The following GATAD2B variants were observed in gnomAD, a reference collection of about 807,000 sequenced individuals.
GATAD2B encodes the protein GATA zinc finger domain containing 2B, also known as transcriptional repressor p66-beta.
GATAD2B carries 8 observed loss-of-function variants against 64.3 expected under a neutral mutation model. That is an observed-to-expected ratio of 0.12 (90% confidence interval 0.07 to 0.22). GATAD2B has a LOEUF of 0.22. GATAD2B is among the 10% of genes least tolerant of loss of function. GATAD2B has a pLI of 1.00. For synonymous variants in GATAD2B, 281 were observed against 271.3 expected (o/e 1.04, Z -0.35); for missense variants, 453 against 752.0 (o/e 0.60, Z 4.65).
At chr1:153,837,478 A>T (rs1675314938) in intron 1 of GATAD2B, among the ~76,000 whole-genome samples, 2 of 152,110 alleles carry the variant, frequency 1.3e-5, no homozygotes, top group Admixed American at 6.6e-5. Flanking sequence ...ATGAAGAAAA[A>T]GTTCTGCAAG....
chr1:153,827,388 C>A (rs891914386), intron 2 of GATAD2B, among the ~76,000 whole-genome samples: 9 of 151,958 alleles, frequency 5.9e-5, no homozygotes, highest in African/African-American at 2.2e-4. Context: ...TTACTGTGTG[C>A]TCTACAGTTT....
intron 1 of GATAD2B, chr1:153,890,584 G>A (rs1677352381): frequency 6.6e-6 from 1 of 151,850 alleles, no homozygotes; most frequent in South Asian, 2.1e-4. Flanking sequence ...CTGAACCTAA[G>A]ACAGAAAGCT....
chr1:153,896,433 CT>C lies in GATAD2B; in HGVS notation c.-2+26299del, dbSNP rs35275252. ...CTGTAAGAGTGAACAGTAAAATTTT[CT>C]TTTTTTTTTTTTTTTTTTGGAAATG... On this transcript the variant is annotated intron_variant, in intron 1 of 10. Transcript: ENST00000368655. Among the ~76,000 whole-genome samples the C allele has an allele frequency of 1.9e-3, 219 of 115,916 alleles. 2 individuals carry two copies. Among genetic ancestry groups the C allele is most frequent in the South Asian group, 2.4e-3 (9 of 3,702 alleles). The allele number at this position is 115,916 out of a possible 152,430, so 76.0% of individuals were successfully genotyped here. A position where few individuals can be genotyped will look rare whatever the true frequency, so the allele number is the denominator to read the frequency against.
At chr1:153,815,802 T>C (rs1674460851) in intron 7 of GATAD2B, among the ~76,000 whole-genome samples, 2 of 152,128 alleles carry the variant, frequency 1.3e-5, no homozygotes, top group African/African-American at 4.8e-5. Flanking sequence ...CCTGTAATCC[T>C]AGCACTTTAG....
intron 1 of GATAD2B, chr1:153,890,608 G>A (rs1677353135): frequency 6.6e-6 from 1 of 152,110 alleles, no homozygotes; most frequent in African/African-American, 2.4e-5. Flanking sequence ...GGCCGCAGAG[G>A]ATGAAAAAGC....
intron 1 of GATAD2B, among the ~76,000 whole-genome samples, chr1:153,832,225 AAAGTT>A (rs1275482186): frequency 2.0e-5 from 3 of 151,596 alleles, no homozygotes; most frequent in African/African-American, 7.2e-5. Context: ...CAAAAAAAAA[AAAGTT>A]AGCCAAGTTG....
intron 1 of GATAD2B, among the ~76,000 whole-genome samples, chr1:153,913,046 A>G (rs1678153585): frequency 6.6e-6 from 1 of 152,046 alleles, no homozygotes; most frequent in Non-Finnish European, 1.5e-5. Context: ...CAAGATCACG[A>G]TACTGCACTC....
chr1:153,859,462 G>C (rs1676200900), intron 1 of GATAD2B, among the ~76,000 whole-genome samples: 1 of 151,746 alleles, frequency 6.6e-6, no homozygotes, highest in South Asian at 2.1e-4. Context: ...CTGAGGTCAG[G>C]AGTTCGAGAC....
At chr1:153,822,377 T>A (rs1316762037) in intron 2 of GATAD2B, among the ~76,000 whole-genome samples, 1 of 152,132 alleles carries the variant, frequency 6.6e-6, no homozygotes, top group Non-Finnish European at 1.5e-5. Flanking sequence ...GACAGAGATA[T>A]TACTGGATGG....
At chr1:153,827,259 A>AG (rs1674916680) in intron 2 of GATAD2B, among the ~76,000 whole-genome samples, 1 of 151,236 alleles carries the variant, frequency 6.6e-6, no homozygotes, top group Non-Finnish European at 1.5e-5. Flanking sequence ...AAAAAAAAAA[A>AG]AAGCACCAAA....
At position 153,861,862 on chromosome 1, in the gene GATAD2B, A is replaced by C. The variant is rs575802856; in HGVS notation, c.-1-33514T>G. Among the ~76,000 whole-genome samples the C allele has an allele frequency of 2.7e-5, 4 of 146,080 alleles. No homozygotes were observed. In the East Asian group the frequency reaches 5.9e-4, roughly 21 times the overall value. On this transcript the variant is annotated intron_variant, in intron 1 of 10. Coordinates refer to ENST00000368655, the MANE Select transcript of GATAD2B (RefSeq NM_020699.4). ...TATATGTATGTACGTATATGTATAT[A>C]TGTATATATATGTGTATATATATAT...
intron 1 of GATAD2B, among the ~76,000 whole-genome samples, chr1:153,851,617 T>TG (rs1675900266): frequency 6.6e-6 from 1 of 152,178 alleles, no homozygotes; most frequent in Admixed American, 6.6e-5. Context: ...TCCATTTTTT[T>TG]TTTAATCTTA....
rs1347054177 is a variant in GATAD2B at position 153,813,438 on chromosome 1, A to C, written c.1231T>G (p.Ser411Ala). The change falls in exon 8 of 11, where the codon TCA (serine) becomes GCA (alanine). Residue 411 changes from serine to alanine, a missense_variant. Ser to Ala is a moderately conservative substitution (Grantham distance 99). This residue lies in a region of GATAD2B where 160 missense variants were observed against 334.7 expected (regional missense o/e 0.48). Transcript: ENST00000368655. ...ACAAAGGGTTCAACCCGCAGAAGTG[A>C]GGCACAGCTTTTGCCTAGATACCAA... ...VIDSQGKSCA[S>A]LLRVEPFVCA... 1 of 1,613,756 alleles carries C rather than the reference A, an allele frequency of 6.2e-7. No homozygotes were observed. Among genetic ancestry groups the C allele is most frequent in the East Asian group, 2.2e-5 (1 of 44,882 alleles).
chr1:153,885,334 A>G (rs2101943421), intron 1 of GATAD2B, among the ~76,000 whole-genome samples: 1 of 152,248 alleles, frequency 6.6e-6, no homozygotes, highest in Non-Finnish European at 1.5e-5. Context: ...GACATGTATG[A>G]TCTCCACTCA....
chr1:153,878,774 CTTT>C (rs71093297), intron 1 of GATAD2B, among the ~76,000 whole-genome samples: 4 of 108,134 alleles, frequency 3.7e-5, no homozygotes, highest in South Asian at 3.1e-4. Flanking sequence ...TACTTTATTC[CTTT>C]TTTTTTTTTT....
intron 1 of GATAD2B, among the ~76,000 whole-genome samples, chr1:153,838,844 T>C (rs1387878570): frequency 6.6e-6 from 1 of 152,118 alleles, no homozygotes; most frequent in Non-Finnish European, 1.5e-5. Context: ...ACACAGTGGC[T>C]CACGCCTGTA....
At chr1:153,852,892 T>TTTGGTGAGA (rs1334755524) in intron 1 of GATAD2B, 26 of 776,382 alleles carry the variant, frequency 3.3e-5, no homozygotes, top group Non-Finnish European at 4.1e-5. Context: ...GGTGAGCGCA[T>TTTGGTGAGA]GTTCCAAGCC....
Position 153,819,722 on chromosome 1 carries a change from C to G in GATAD2B, c.349G>C (p.Gly117Arg). Residue 117 changes from glycine to arginine, a missense_variant, in exon 3 of 11, where the codon GGA (glycine) becomes CGA (arginine). This residue lies in a region of GATAD2B where 293 missense variants were observed against 417.2 expected (regional missense o/e 0.70). Transcript: ENST00000368655. The part of the protein sequence containing the change: ...MSARRSEPER[G>R]RLTPSPDIIV... ...ATGTCTGGTGAGGGAGTTAGCCTTC[C>G]TCGCTCTGGCTCACTAGACAAGAAA... 1 of 1,602,576 alleles carries G rather than the reference C, an allele frequency of 6.2e-7. No individual in the cohort carries two copies. The highest frequency in any genetic ancestry group is 8.5e-7 in the Non-Finnish European group (1 of 1,175,764).
At position 153,922,842 on chromosome 1, in the gene GATAD2B, T is replaced by G. The variant is rs1396727427; in HGVS notation, c.-111A>C. The G allele has an allele frequency of 1.4e-5, 1 of 71,950 alleles. No homozygotes were observed. The highest frequency in any genetic ancestry group is 2.7e-5 in the Non-Finnish European group (1 of 37,604). 4.5% of individuals were successfully genotyped at this position (71,950 alleles called of 1,614,324 possible). On this transcript the variant is annotated 5_prime_UTR_variant, in exon 1 of 11. Transcript: ENST00000368655. ...GGGATCCAGACCCTGCTGACGGGAC[T>G]AGGGACGGGGGTAGGGGAGGGGGGC... is the stretch of plus-strand genomic sequence containing the variant.
Sources: allele counts gnomAD v4.1 joint callset (sites outside exome capture counted in the v4.1 genomes callset), GRCh38; gene constraint gnomAD v4.1.1; regional missense constraint gnomAD v4.1.1; transcripts MANE v1.5; gene names NCBI Gene and HGNC (gene_info 2026-07-23, HGNC 2026-07-21).